Variants in MAPK10 observed in about 807,000 individuals in gnomAD.
MAPK10 encodes the protein JNK3 alpha protein kinase.
Under a neutral mutation model 59.3 loss-of-function variants are expected in MAPK10, and 25 were observed. That is an observed-to-expected ratio of 0.42 (90% confidence interval 0.31 to 0.59). MAPK10 has a LOEUF of 0.59. Among genes scored for constraint, MAPK10 ranks in the 20% least tolerant of loss-of-function variants. The pLI is 0.15. For missense variants in MAPK10, 351 were observed against 568.9 expected, an observed-to-expected ratio of 0.62 and a Z score of 3.90; for synonymous variants, 190 against 200.5, an observed-to-expected ratio of 0.95 and a Z score of 0.44.
rs188381191 is a variant in MAPK10 at position 86,204,055 on chromosome 4, G to A, written c.-6-9648C>T. Among the ~76,000 whole-genome samples the A allele has an allele frequency of 1.2e-3, 184 of 151,800 alleles. 4 individuals are homozygous for A. Among genetic ancestry groups the A allele is most frequent in the East Asian group, 3.9e-3 (20 of 5,120 alleles). ...GCCATCCATTAGTTTATAAATTGTC[G>A]ATGGCTGCTTTCACATTACAGTGGC... On this transcript the variant is annotated intron_variant, in intron 2 of 13. Coordinates refer to ENST00000641462, the MANE Select transcript of MAPK10 (RefSeq NM_138982.4).
intron 1 of MAPK10, among the ~76,000 whole-genome samples, chr4:86,547,539 C>T (rs116641192): frequency 0.047 from 7,169 of 152,314 alleles, 224 homozygotes; most frequent in African/African-American, 0.06. Context: ...GAGCCTCCCC[C>T]GCGCTCCCTG....
chr4:86,260,928 T>C (rs1442793973), intron 2 of MAPK10, among the ~76,000 whole-genome samples: 1 of 152,174 alleles, frequency 6.6e-6, no homozygotes, highest in Non-Finnish European at 1.5e-5. Flanking sequence ...ATCATTATTG[T>C]CCTCAGAGGG....
At chr4:86,124,376 T>A (rs1300965224) in intron 4 of MAPK10, 6 of 151,934 alleles carry the variant, frequency 3.9e-5, no homozygotes, top group Non-Finnish European at 7.4e-5. Context: ...AAAATGAAAA[T>A]ACTTTAACAT....
chr4:86,124,279 G>T (rs2059723116), intron 4 of MAPK10: 1 of 151,748 alleles, frequency 6.6e-6, no homozygotes, highest in Non-Finnish European at 1.5e-5. Context: ...CAAAATAGAA[G>T]ATAAAGGTGA....
At chr4:86,488,610 T>C (rs1243386771) in intron 1 of MAPK10, among the ~76,000 whole-genome samples, 2 of 152,210 alleles carry the variant, frequency 1.3e-5, no homozygotes, top group Non-Finnish European at 2.9e-5. Flanking sequence ...TCCCAGTGAT[T>C]TTTGATGCTA....
chr4:86,412,875 A>G (rs1231660332), intron 1 of MAPK10, among the ~76,000 whole-genome samples: 1 of 152,074 alleles, frequency 6.6e-6, no homozygotes, highest in East Asian at 1.9e-4. Flanking sequence ...GAAGTTTGTT[A>G]TTACCGACCT....
rs113106143 is a variant in MAPK10 at position 86,240,905 on chromosome 4, C to T, written c.-6-46498G>A. Among the ~76,000 whole-genome samples, 1,132 of 152,056 alleles carry T rather than the reference C, an allele frequency of 7.4e-3. 12 individuals carry two copies. Among genetic ancestry groups the T allele is most frequent in the African/African-American group, 0.026 (1,064 of 41,502 alleles). ...TATGATGCTTTTTGGTTATTTTACA[C>T]ACCAGTTGCAGTTTCTTCATAGTGT... On this transcript the variant is annotated intron_variant, in intron 2 of 13. Coordinates refer to ENST00000641462, the MANE Select transcript of MAPK10 (RefSeq NM_138982.4).
intron 4 of MAPK10, among the ~76,000 whole-genome samples, chr4:86,155,041 T>G (rs905740604): frequency 6.6e-6 from 1 of 152,096 alleles, no homozygotes; most frequent in African/African-American, 2.4e-5. Flanking sequence ...AATCATTTTG[T>G]GGATGGATGT....
In MAPK10 at chr4:86,507,634, A is replaced by G. The variant is rs1409890558; in HGVS notation, c.-263+86276T>C. 3.6e-4 allele frequency among the ~76,000 whole-genome samples: 24 copies of G among 67,104 alleles called. 2 individuals carry two copies. Among genetic ancestry groups the G allele is most frequent in the East Asian group, 2.7e-3 (6 of 2,258 alleles). 44.0% of individuals were successfully genotyped at this position (67,104 alleles called of 152,430 possible). Reference sequence around the variant, plus strand: ...ACTGGAGATATATATATATATATATATATATATATATATATATATATATAT... The same window carrying G: ...ACTGGAGATATATATATATATATATGTATATATATATATATATATATATAT... On this transcript the variant is annotated intron_variant, in intron 1 of 4. Transcript: ENST00000502302.
intron 1 of MAPK10, among the ~76,000 whole-genome samples, chr4:86,433,742 G>C (rs146695948): frequency 6.6e-6 from 1 of 151,758 alleles, no homozygotes; most frequent in Admixed American, 6.6e-5. Context: ...CGACTAGGCC[G>C]AGCTGTGCCC....
intron 2 of MAPK10, among the ~76,000 whole-genome samples, chr4:86,215,096 GA>G (rs758984966): frequency 6.6e-5 from 10 of 152,128 alleles, no homozygotes; most frequent in Non-Finnish European, 2.9e-5. Context: ...AGGAACCCCA[GA>G]AAAAACCTTG....
intron 2 of MAPK10, among the ~76,000 whole-genome samples, chr4:86,262,321 C>T (rs759509314): frequency 1.1e-4 from 16 of 152,050 alleles, no homozygotes; most frequent in Non-Finnish European, 5.9e-5. Context: ...ATGGGTCCCT[C>T]GACCTCGGAT....
At chr4:86,535,211 T>C (rs1361644423) in intron 1 of MAPK10, among the ~76,000 whole-genome samples, 2 of 152,160 alleles carry the variant, frequency 1.3e-5, no homozygotes, top group Non-Finnish European at 2.9e-5. Flanking sequence ...AGTGATCACC[T>C]GAGACTCTCC....
intron 1 of MAPK10, among the ~76,000 whole-genome samples, chr4:86,549,302 G>C (rs1244494399): frequency 1.3e-5 from 2 of 152,136 alleles, no homozygotes; most frequent in African/African-American, 2.4e-5. Flanking sequence ...GAACATCATA[G>C]AGAGTACTTA....
intron 1 of MAPK10, among the ~76,000 whole-genome samples, chr4:86,581,129 T>C (rs1411483441): frequency 6.6e-6 from 1 of 152,150 alleles, no homozygotes; most frequent in African/African-American, 2.4e-5. Flanking sequence ...AAGTGAAAAA[T>C]TACTTTGCAT....
chr4:86,499,003 G>A (rs990215024), intron 1 of MAPK10, among the ~76,000 whole-genome samples: 3 of 152,136 alleles, frequency 2.0e-5, no homozygotes, highest in African/African-American at 7.2e-5. Context: ...GTTCAAATGT[G>A]GAATGGATCA....
chr4:86,276,342 T>C (rs1318345402), intron 2 of MAPK10, among the ~76,000 whole-genome samples: 1 of 152,090 alleles, frequency 6.6e-6, no homozygotes, highest in Non-Finnish European at 1.5e-5. Flanking sequence ...TCCTACTAAC[T>C]TTCATTTCTC....
At chr4:86,543,476 C>A (rs1242899931) in intron 1 of MAPK10, among the ~76,000 whole-genome samples, 1 of 152,132 alleles carries the variant, frequency 6.6e-6, no homozygotes, top group East Asian at 1.9e-4. Context: ...TGAAGAGACA[C>A]CTAACTCACA....
chr4:86,102,175 G>A, intron 6 of MAPK10, 143 bp from the exon 7 acceptor site: 1 of 698,840 alleles, frequency 1.4e-6, no homozygotes, highest in South Asian at 1.9e-5. Context: ...AGCATTTCCA[G>A]GTATTGCATG....
Sources: gnomAD v4.1 joint callset for allele counts (sites outside exome capture counted in the v4.1 genomes callset) on GRCh38, gnomAD v4.1.1 for gene constraint, MANE v1.5 for transcripts, NCBI Gene and HGNC (gene_info 2026-07-23, HGNC 2026-07-21) for gene names.